AXDND1: variants seen among roughly 807,000 people sequenced by gnomAD.
The protein encoded by AXDND1 is axonemal dynein light chain domain containing 1, also known as axonemal dynein light chain domain-containing protein 1.
A neutral mutation model predicts 137.5 loss-of-function variants in AXDND1; 110 were observed. The ratio of observed to expected loss-of-function variants is 0.80; its 90% CI spans 0.69 to 0.94. The LOEUF (loss-of-function observed/expected upper bound fraction) is 0.94, where lower values mean the gene tolerates loss of function less well. AXDND1 is among the 40% of genes least tolerant of loss of function. The pLI, the probability that AXDND1 is intolerant of heterozygous loss-of-function variation, is 0.00. For missense variants in AXDND1, 1,191 were observed against 1,169.8 expected, an observed-to-expected ratio of 1.02 and a Z score of -0.26; for synonymous variants, 414 against 399.7, an observed-to-expected ratio of 1.04 and a Z score of -0.43.
intron 16 of AXDND1, chr1:179,448,194 G>A (rs996190546): frequency 1.1e-6 from 1 of 879,692 alleles, no homozygotes; most frequent in Middle Eastern, 2.4e-4. Context: ...CTTGTTCAGA[G>A]CCTCAACAAT....
chr1:179,390,836 C>T (rs1393436769), intron 9 of AXDND1, among the ~76,000 whole-genome samples: 3 of 151,724 alleles, frequency 2.0e-5, no homozygotes, highest in East Asian at 1.9e-4. Context: ...GATGGAGTTT[C>T]GATCTTGTTG....
Position 179,530,132 on chromosome 1 carries a change from C to T in AXDND1, c.2715+1701C>T, listed in dbSNP as rs533239745. 2.0e-5 allele frequency among the ~76,000 whole-genome samples: 3 copies of T among 152,186 alleles called. No individual in the cohort carries two copies. The East Asian group carries it at 5.8e-4, about 29-fold the overall frequency. On this transcript the variant is annotated intron_variant, in intron 23 of 25. Transcript: ENST00000367618. ...GCAACCTCTGCCTCCCAAGTTCAAGCGATTCTCCTGCCTCAGCCTCCCAAG... is the reference window on the plus strand; with the variant it reads ...GCAACCTCTGCCTCCCAAGTTCAAGTGATTCTCCTGCCTCAGCCTCCCAAG...
intron 12 of AXDND1, among the ~76,000 whole-genome samples, chr1:179,414,453 C>CT (rs1219036756): frequency 7.3e-6 from 1 of 137,000 alleles, no homozygotes; most frequent in African/African-American, 2.7e-5. Context: ...GAGATGGAGT[C>CT]TCGCTCTTTC....
chr1:179,455,736 A>G (rs1398366886), intron 16 of AXDND1: 2 of 159,064 alleles, frequency 1.3e-5, no homozygotes, highest in Middle Eastern at 3.2e-3. Context: ...TGGATCCCCA[A>G]CATTTTAAAG....
intron 9 of AXDND1, among the ~76,000 whole-genome samples, chr1:179,388,993 T>TTTTTTTG (rs1649679851): frequency 7.8e-5 from 1 of 12,858 alleles, no homozygotes; most frequent in Non-Finnish European, 1.5e-4. Context: ...TTTTTTTTTT[T>TTTTTTTG]GAGATGGAGT....
intron 11 of AXDND1, among the ~76,000 whole-genome samples, chr1:179,396,176 GAAA>G (rs71111985): frequency 4.7e-4 from 50 of 106,052 alleles, no homozygotes; most frequent in Non-Finnish European, 5.6e-4. Flanking sequence ...CCCATAAAAA[GAAA>G]AAAAAAAAAA....
At chr1:179,433,927 A>C (rs1657759816) in intron 15 of AXDND1, among the ~76,000 whole-genome samples, 2 of 152,046 alleles carry the variant, frequency 1.3e-5, no homozygotes, top group African/African-American at 4.8e-5. Flanking sequence ...TTTCTGTCTC[A>C]TCAATCTGTC....
chr1:179,447,630 G>A, intron 16 of AXDND1: 1 of 1,270,208 alleles, frequency 7.9e-7, no homozygotes, highest in Non-Finnish European at 1.1e-6. Context: ...TTGAAGCGGG[G>A]ATGACAACTC....
chr1:179,528,319 T>C lies in AXDND1; in HGVS notation c.2611-8T>C. ...TTGCTAACAGGTCCGCATGTTTCTG[T>C]GTTCTAGCAACCTTCAACATCTACA... On this transcript the variant is annotated splice_region_variant and splice_polypyrimidine_tract_variant and intron_variant, in intron 22 of 25. Coordinates refer to ENST00000367618, the MANE Select transcript of AXDND1 (RefSeq NM_144696.6). 1.9e-6 allele frequency: 3 copies of C among 1,605,944 alleles called. No individual in the cohort carries two copies. Among genetic ancestry groups the C allele is most frequent in the Non-Finnish European group, 1.7e-6 (2 of 1,172,994 alleles).
chr1:179,525,568 C>A, intron 22 of AXDND1, 121 bp downstream of exon 22: 1 of 1,195,580 alleles, frequency 8.4e-7, no homozygotes, highest in Non-Finnish European at 1.1e-6. Flanking sequence ...ATCATCATAG[C>A]TCACTGTAAC....
At position 179,382,765 on chromosome 1, in the gene AXDND1, A is replaced by T. The variant is rs978377202; in HGVS notation, c.638+9A>T. On this transcript the variant is annotated intron_variant, in intron 7 of 25. Coordinates refer to ENST00000367618, the MANE Select transcript of AXDND1 (RefSeq NM_144696.6). ...TTGCTCTTCCCATCCATGTAAGTAC[A>T]GTTTATTTTCTAAAGTCTTTCTCAG... 30 of 1,579,730 alleles carry T rather than the reference A, an allele frequency of 1.9e-5. No homozygotes were observed. The highest frequency in any genetic ancestry group is 2.5e-5 in the Non-Finnish European group (29 of 1,150,220).
In AXDND1 at chr1:179,491,689, C is replaced by A; in HGVS notation, c.2243C>A (p.Ala748Glu). The stretch of plus-strand genomic sequence containing the variant: ...GGAGTTGCGCGATTGGAGCTAGATG[C>A]GATTGAACTGACAAGGAAGTTGTAC... ...DIGVARLELD[A>E]IELTRKLYQY... The change falls in exon 19 of 26, where the codon GCG (alanine) becomes GAG (glutamate). Residue 748 changes from alanine (A) to glutamate (E), a missense_variant. Physicochemically the swap from Ala to Glu is moderately radical, Grantham distance 107. Coordinates refer to ENST00000367618, the MANE Select transcript of AXDND1 (RefSeq NM_144696.6). 2 of 1,601,438 alleles carry A rather than the reference C, an allele frequency of 1.2e-6. No individual in the cohort carries two copies. The highest frequency in any genetic ancestry group is 1.7e-6 in the Non-Finnish European group (2 of 1,175,472).
intron 6 of AXDND1, among the ~76,000 whole-genome samples, chr1:179,379,977 C>T (rs928424090): frequency 5.3e-5 from 8 of 151,936 alleles, no homozygotes; most frequent in East Asian, 1.9e-4. Flanking sequence ...TGGCAGGGCG[C>T]GGTGGCTCAC....
rs182322519 is a variant in AXDND1 at position 179,368,141 on chromosome 1, C to G, written c.98-659C>G. 2.3e-3 allele frequency among the ~76,000 whole-genome samples: 348 copies of G among 152,284 alleles called. 3 individuals carry two copies. Among genetic ancestry groups the G allele is most frequent in the Middle Eastern group, 6.8e-3 (2 of 294 alleles). ...AAGAAGAATAACAACTCAACCCTACCTGACTGACTTCATAGGAGGGCTTTT... is the reference window on the plus strand; with the variant it reads ...AAGAAGAATAACAACTCAACCCTACGTGACTGACTTCATAGGAGGGCTTTT... On this transcript the variant is annotated intron_variant, in intron 2 of 25. Transcript: ENST00000367618.
At chr1:179,429,368 T>C in intron 12 of AXDND1, 150 bp from the exon 13 acceptor site, 1 of 453,858 alleles carries the variant, frequency 2.2e-6, no homozygotes, top group South Asian at 4.5e-5. Flanking sequence ...CAGTGGAAAA[T>C]GTGAATTTGT....
chr1:179,550,968 A>G, intron 25 of AXDND1: 1 of 632,552 alleles, frequency 1.6e-6, no homozygotes, highest in Non-Finnish European at 2.8e-6. Context: ...TGACTAGATG[A>G]GTCACGGAAA....
intron 17 of AXDND1, among the ~76,000 whole-genome samples, chr1:179,472,688 C>T (rs932696245): frequency 2.0e-5 from 3 of 152,072 alleles, no homozygotes; most frequent in East Asian, 1.9e-4. Flanking sequence ...TTATTAGGTG[C>T]ACACGTTTAT....
chr1:179,381,842 G>A (rs1047574783), intron 6 of AXDND1, among the ~76,000 whole-genome samples: 6 of 151,308 alleles, frequency 4.0e-5, no homozygotes, highest in East Asian at 2.0e-4. Flanking sequence ...GTGCAGTGGC[G>A]TGATCTTGGC....
At chr1:179,403,368 T>G (rs1652408762) in intron 11 of AXDND1, among the ~76,000 whole-genome samples, 2 of 152,236 alleles carry the variant, frequency 1.3e-5, no homozygotes, top group South Asian at 4.1e-4. Context: ...TTAATTTTTC[T>G]TGTGACATCA....
Sources: gnomAD v4.1 joint callset for allele counts (sites outside exome capture counted in the v4.1 genomes callset) on GRCh38, gnomAD v4.1.1 for gene constraint, MANE v1.5 for transcripts, NCBI Gene and HGNC (gene_info 2026-07-23, HGNC 2026-07-21) for gene names.